CSMD1: variants seen among roughly 807,000 people sequenced by gnomAD.
CSMD1 encodes the protein CUB and sushi domain-containing protein 1.
Under a neutral mutation model 417.5 loss-of-function variants are expected in CSMD1, and 213 were observed. The observed-to-expected ratio is 0.51, with a 90% CI of 0.46 to 0.57. The LOEUF is 0.57. CSMD1 is among the 20% of genes least tolerant of loss of function. The pLI is 0.00. For missense variants in CSMD1, 6,923 were observed against 4,529.7 expected, an observed-to-expected ratio of 1.53 and a Z score of -15.17; for synonymous variants, 2,862 against 1,736.8, an observed-to-expected ratio of 1.65 and a Z score of -16.11.
intron 5 of CSMD1, among the ~76,000 whole-genome samples, chr8:3,868,968 A>C (rs1335445754): frequency 6.6e-6 from 1 of 152,094 alleles, no homozygotes. Flanking sequence ...AAGTCACATA[A>C]CTCTTCTGCT....
In CSMD1 at chr8:2,974,599, G is replaced by A. The variant is rs1298636241; in HGVS notation, c.8592C>T (p.Val2864=). The change falls in exon 56 of 70, where the codon GTC becomes GTT. Residue 2864 remains valine (V), a synonymous_variant. Coordinates refer to ENST00000635120, the MANE Select transcript of CSMD1 (RefSeq NM_033225.6). ...CTCCAGTGAGGACGGCGTTGGCAGG[G>A]ACCCCTGGGTGTCCACACGATATAG... ...CLAISCGHPG[V]PANAVLTGEL... The A allele has an allele frequency of 6.2e-7, 1 of 1,609,550 alleles. No individual in the cohort carries two copies. The highest frequency in any genetic ancestry group is 1.3e-5 in the African/African-American group (1 of 74,938).
intron 1 of CSMD1, among the ~76,000 whole-genome samples, chr8:4,710,669 C>A (rs1307979876): frequency 6.6e-6 from 1 of 151,174 alleles, no homozygotes; most frequent in Non-Finnish European, 1.5e-5. Flanking sequence ...CAAGGTGAAA[C>A]CCCGTCTCTA....
chr8:4,060,733 A>G (rs544479954), intron 3 of CSMD1, among the ~76,000 whole-genome samples: 4 of 152,192 alleles, frequency 2.6e-5, no homozygotes, highest in Non-Finnish European at 5.9e-5. Context: ...GATGTGCTCA[A>G]AGCATCACAG....
intron 39 of CSMD1, among the ~76,000 whole-genome samples, chr8:3,155,359 A>ATTTTTGTTTTTTTTTTT (rs1819454004): frequency 2.3e-5 from 1 of 43,316 alleles, no homozygotes; most frequent in Admixed American, 4.2e-4. Flanking sequence ...CAAGGCTGGG[A>ATTTTTGTTTTTTTTTTT]TTTTTTTTTT....
At chr8:4,248,913 G>C (rs1010234979) in intron 3 of CSMD1, among the ~76,000 whole-genome samples, 1 of 152,096 alleles carries the variant, frequency 6.6e-6, no homozygotes, top group Non-Finnish European at 1.5e-5. Context: ...AGACCATATT[G>C]AGAATGCCTA....
intron 6 of CSMD1, among the ~76,000 whole-genome samples, chr8:3,733,815 T>G (rs1309611930): frequency 6.6e-6 from 1 of 152,188 alleles, no homozygotes; most frequent in Non-Finnish European, 1.5e-5. Flanking sequence ...AGAACTGTTT[T>G]TACTTTATTA....
intron 3 of CSMD1, among the ~76,000 whole-genome samples, chr8:4,267,609 G>T (rs937720051): frequency 4.6e-5 from 7 of 151,824 alleles, no homozygotes; most frequent in Non-Finnish European, 1.0e-4. Context: ...GAAAAAAATG[G>T]ACATTTATAT....
chr8:3,108,310 G>A (rs1255893185), intron 44 of CSMD1, among the ~76,000 whole-genome samples: 1 of 152,134 alleles, frequency 6.6e-6, no homozygotes, highest in Non-Finnish European at 1.5e-5. Flanking sequence ...TCTTGAGACA[G>A]GGATGAGTAA....
At chr8:4,963,540 C>G (rs766205316) in intron 1 of CSMD1, among the ~76,000 whole-genome samples, 4 of 152,152 alleles carry the variant, frequency 2.6e-5, no homozygotes, top group African/African-American at 9.7e-5. Flanking sequence ...ATTTACCTCC[C>G]TTACCTGCTT....
intron 1 of CSMD1, among the ~76,000 whole-genome samples, chr8:4,688,042 C>G (rs1490791847): frequency 2.0e-5 from 3 of 152,098 alleles, no homozygotes; most frequent in African/African-American, 7.2e-5. Flanking sequence ...TAGATGATAT[C>G]TAATTGATTG....
intron 2 of CSMD1, among the ~76,000 whole-genome samples, chr8:4,429,611 G>C (rs574620471): frequency 6.6e-6 from 1 of 152,250 alleles, no homozygotes; most frequent in East Asian, 1.9e-4. Context: ...AAAGTTTAGA[G>C]ACTATTCCAG....
At chr8:3,409,006 C>T (rs556862695) in intron 13 of CSMD1, among the ~76,000 whole-genome samples, 1 of 152,156 alleles carries the variant, frequency 6.6e-6, no homozygotes, top group African/African-American at 2.4e-5. Flanking sequence ...AGCTCATCAA[C>T]TGAATTCCAA....
intron 1 of CSMD1, among the ~76,000 whole-genome samples, chr8:4,840,816 T>C (rs1194554377): frequency 6.6e-6 from 1 of 152,240 alleles, no homozygotes; most frequent in Non-Finnish European, 1.5e-5. Flanking sequence ...CAGGTAGGAT[T>C]AAGTATAGAA....
At chr8:3,304,164 T>C (rs184349662) in intron 25 of CSMD1, among the ~76,000 whole-genome samples, 3 of 152,292 alleles carry the variant, frequency 2.0e-5, no homozygotes. Flanking sequence ...TATCATAGTA[T>C]AAATGCATAG....
intron 20 of CSMD1, 123 bp from the exon 21 acceptor site, chr8:3,359,463 C>A: frequency 1.4e-6 from 1 of 728,114 alleles, no homozygotes; most frequent in Non-Finnish European, 2.1e-6. Flanking sequence ...ATATTTTCCC[C>A]AAACACTTAT....
intron 5 of CSMD1, among the ~76,000 whole-genome samples, chr8:3,764,803 G>A (rs1240129048): frequency 2.0e-5 from 3 of 150,272 alleles, no homozygotes; most frequent in African/African-American, 7.4e-5. Flanking sequence ...CTGGAGTGCA[G>A]GGGCACCATC....
At chr8:4,157,799 G>A (rs1169665801) in intron 3 of CSMD1, among the ~76,000 whole-genome samples, 16 of 152,166 alleles carry the variant, frequency 1.1e-4, no homozygotes, top group Admixed American at 1.0e-3. Flanking sequence ...AACTTGCCCA[G>A]GGCCTTGGTC....
intron 1 of CSMD1, among the ~76,000 whole-genome samples, chr8:4,793,869 G>C (rs917926886): frequency 2.7e-5 from 4 of 149,166 alleles, no homozygotes; most frequent in Non-Finnish European, 5.9e-5. Flanking sequence ...CTGATTAAAA[G>C]TTTGTTAATA....
chr8:4,541,400 C>A (rs945140028), intron 2 of CSMD1, among the ~76,000 whole-genome samples: 1 of 152,214 alleles, frequency 6.6e-6, no homozygotes, highest in Non-Finnish European at 1.5e-5. Flanking sequence ...TTTGTAAGCA[C>A]TGCCTTCACC....
Sources: allele counts gnomAD v4.1 joint callset (sites outside exome capture counted in the v4.1 genomes callset), GRCh38; gene constraint gnomAD v4.1.1; transcripts MANE v1.5; gene names NCBI Gene and HGNC (gene_info 2026-07-23, HGNC 2026-07-21).